The following UFSP2 variants were observed in gnomAD, a reference collection of about 807,000 sequenced individuals.
The protein encoded by UFSP2 is UFM1 specific peptidase 2, also known as ufm1-specific protease 2.
A neutral mutation model predicts 60.2 loss-of-function variants in UFSP2; 43 were observed. That is an observed-to-expected ratio of 0.71 (90% confidence interval 0.56 to 0.92). The LOEUF (loss-of-function observed/expected upper bound fraction) is 0.92. Among genes scored for constraint, UFSP2 ranks in the 40% least tolerant of loss-of-function variants. The pLI, the probability that UFSP2 is intolerant of heterozygous loss-of-function variation, is 0.00. For synonymous variants in UFSP2, 183 were observed against 195.1 expected, an observed-to-expected ratio of 0.94 and a Z score of 0.52; for missense variants, 520 against 575.0, an observed-to-expected ratio of 0.90 and a Z score of 0.98.
chr4:185,402,149 T>C, intron 11 of UFSP2: 3 of 345,052 alleles, frequency 8.7e-6, no homozygotes, highest in Non-Finnish European at 1.7e-5. Flanking sequence ...TCCTTCTCTG[T>C]CCTACCCTAA....
chr4:185,418,624 C>A lies in UFSP2; in HGVS notation c.229G>T (p.Asp77Tyr), dbSNP rs1041635023. The A allele has an allele frequency of 1.2e-6, 2 of 1,613,582 alleles. No individual in the cohort carries two copies. The highest frequency in any genetic ancestry group is 1.7e-6 in the Non-Finnish European group (2 of 1,179,888). Residue 77 changes from aspartate (D) to tyrosine (Y), a missense_variant, in exon 3 of 12, where the codon GAT becomes TAT. By Grantham distance (160) the Asp-to-Tyr change is radical. Coordinates refer to ENST00000264689, the MANE Select transcript of UFSP2 (RefSeq NM_018359.5). Reference protein sequence around the residue: ...DINTIPGELTDASACKNILRF... With the variant: ...DINTIPGELTYASACKNILRF... ...AGTATGTTCTTACAAGCAGAAGCATCAGTCAGTTCTCCAGGAATGGTGTTT... is the reference window on the plus strand; with the variant it reads ...AGTATGTTCTTACAAGCAGAAGCATAAGTCAGTTCTCCAGGAATGGTGTTT...
At chr4:185,403,988 C>CA (rs1273508321) in intron 10 of UFSP2, among the ~76,000 whole-genome samples, 2 of 121,438 alleles carry the variant, frequency 1.6e-5, no homozygotes, top group Non-Finnish European at 3.2e-5. Context: ...CAAAAAAAAA[C>CA]AACATTACTT....
chr4:185,400,115 C>A lies in UFSP2; in HGVS notation c.*277G>T, dbSNP rs557089455. 2 of 1,194,862 alleles carry A rather than the reference C, an allele frequency of 1.7e-6. No homozygotes were observed. Among genetic ancestry groups the A allele is most frequent in the African/African-American group, 3.1e-5 (2 of 64,902 alleles). 74.0% of individuals were successfully genotyped at this position (1,194,862 alleles called of 1,614,324 possible). On this transcript the variant is annotated 3_prime_UTR_variant, in exon 12 of 12. Transcript: ENST00000264689. ...TTTACCATATGTTGTGTCTAATCTC[C>A]TTCTGAGAAGGACGAAAAACTTTCT...
Position 185,413,866 on chromosome 4 carries a change from G to A in UFSP2, c.691C>T (p.His231Tyr). 1 of 1,599,318 alleles carries A rather than the reference G, an allele frequency of 6.3e-7. No individual in the cohort carries two copies. Among genetic ancestry groups the A allele is most frequent in the Non-Finnish European group, 8.5e-7 (1 of 1,175,208 alleles). ...GQLQAYRKEL[H>Y]DLFNLPHDRP... ...TCGTGAGGCAGATTGAAAAGATCATGTAACTCCTAAAATAAATCAGAATCA... is the reference window on the plus strand; with the variant it reads ...TCGTGAGGCAGATTGAAAAGATCATATAACTCCTAAAATAAATCAGAATCA... The change falls in exon 7 of 12, where the codon CAT becomes TAT. Residue 231 changes from histidine (H) to tyrosine (Y), a missense_variant. Physicochemically the swap from His to Tyr is moderately conservative, Grantham distance 83 (BLOSUM62 2). Transcript: ENST00000264689.
At chr4:185,420,796 T>G (rs990155886) in intron 2 of UFSP2, among the ~76,000 whole-genome samples, 4 of 152,206 alleles carry the variant, frequency 2.6e-5, no homozygotes, top group Admixed American at 2.6e-4. Flanking sequence ...TTGTTGAGTG[T>G]TGACAGAGTT....
intron 7 of UFSP2, among the ~76,000 whole-genome samples, chr4:185,411,602 G>C (rs951987579): frequency 2.0e-5 from 3 of 152,130 alleles, no homozygotes; most frequent in African/African-American, 4.8e-5. Context: ...ATTGTTGAGA[G>C]ATTTGTGCCA....
Position 185,407,227 on chromosome 4 carries a change from T to C in UFSP2, c.1121+709A>G, listed in dbSNP as rs542427704. The stretch of plus-strand genomic sequence containing the variant: ...CACCATACCCAGCTAATTTTTTTTG[T>C]ATTTTTAGTAGAGACAGGGTTTTGC... On this transcript the variant is annotated intron_variant, in intron 9 of 11. Transcript: ENST00000264689. Among the ~76,000 whole-genome samples, 15 of 151,868 alleles carry C rather than the reference T, an allele frequency of 9.9e-5. No homozygotes were observed. In the South Asian group the frequency reaches 1.7e-3, roughly 17 times the overall value.
rs1333273471 is a variant in UFSP2 at position 185,418,611 on chromosome 4, C to T, written c.242G>A (p.Cys81Tyr). The change falls in exon 3 of 12, where the codon TGT (cysteine) becomes TAT (tyrosine). Residue 81 changes from cysteine (C) to tyrosine (Y), a missense_variant. Physicochemically the swap from Cys to Tyr is radical, Grantham distance 194. Coordinates refer to ENST00000264689, the MANE Select transcript of UFSP2 (RefSeq NM_018359.5). ...IPGELTDASA[C>Y]KNILRFIQFE... ...CTGAATAAAGCGCAGTATGTTCTTA[C>T]AAGCAGAAGCATCAGTCAGTTCTCC... The T allele has an allele frequency of 1.2e-6, 2 of 1,613,390 alleles. No individual in the cohort carries two copies. The highest frequency in any genetic ancestry group is 2.2e-5 in the East Asian group (1 of 44,828).
At chr4:185,419,005 G>C (rs1475512789) in intron 2 of UFSP2, among the ~76,000 whole-genome samples, 1 of 152,050 alleles carries the variant, frequency 6.6e-6, no homozygotes, top group Non-Finnish European at 1.5e-5. Context: ...ATATTCATAA[G>C]GTTTCATAAT....
At position 185,413,875 on chromosome 4, in the gene UFSP2, A is replaced by C; in HGVS notation, c.685-3T>G. ...AGATTGAAAAGATCATGTAACTCCT[A>C]AAATAAATCAGAATCAACAGAAAAA... On this transcript the variant is annotated splice_polypyrimidine_tract_variant and splice_region_variant and intron_variant, in intron 6 of 11. Transcript: ENST00000264689. 6.3e-7 allele frequency: 1 copy of C among 1,588,388 alleles called. No homozygotes were observed. Among genetic ancestry groups the C allele is most frequent in the Non-Finnish European group, 8.5e-7 (1 of 1,171,470 alleles).
intron 7 of UFSP2, among the ~76,000 whole-genome samples, chr4:185,409,248 C>T (rs201191153): frequency 7.1e-4 from 108 of 152,086 alleles, no homozygotes; most frequent in South Asian, 2.3e-3. Flanking sequence ...TATTTGATGA[C>T]GCTAAGTTAA....
intron 1 of UFSP2, among the ~76,000 whole-genome samples, chr4:185,424,433 G>A (rs2095555361): frequency 6.6e-6 from 1 of 152,156 alleles, no homozygotes; most frequent in Admixed American, 6.5e-5. Flanking sequence ...CAAATCCTTT[G>A]TCACATTTCT....
At chr4:185,419,257 G>C (rs968379900) in intron 2 of UFSP2, among the ~76,000 whole-genome samples, 1 of 151,768 alleles carries the variant, frequency 6.6e-6, no homozygotes, top group Admixed American at 6.6e-5. Flanking sequence ...TCAGCCTCCC[G>C]AGTAGCTGGG....
At position 185,400,231 on chromosome 4, in the gene UFSP2, C is replaced by G; in HGVS notation, c.*161G>C. On this transcript the variant is annotated 3_prime_UTR_variant, in exon 12 of 12. Coordinates refer to ENST00000264689, the MANE Select transcript of UFSP2 (RefSeq NM_018359.5). ...TTTGTCTTTTAAGTTATTAAAGGAA[C>G]GTCTAAAAAATACATTCTCCGTGCA... 1 of 714,056 alleles carries G rather than the reference C, an allele frequency of 1.4e-6. No individual in the cohort carries two copies. The highest frequency in any genetic ancestry group is 2.7e-5 in the East Asian group (1 of 36,372). 44.2% of individuals were successfully genotyped at this position (714,056 alleles called of 1,614,324 possible).
chr4:185,401,424 C>CCAA (rs2095513115), intron 11 of UFSP2, among the ~76,000 whole-genome samples: 1 of 151,928 alleles, frequency 6.6e-6, no homozygotes, highest in Non-Finnish European at 1.5e-5. Flanking sequence ...TTTTTTTGAT[C>CCAA]CTTTTACACA....
At chr4:185,401,253 TAAA>T (rs1313559853) in intron 11 of UFSP2, among the ~76,000 whole-genome samples, 1 of 152,090 alleles carries the variant, frequency 6.6e-6, no homozygotes, top group African/African-American at 2.4e-5. Flanking sequence ...AAGATAAAAG[TAAA>T]AAATCCTCTA....
intron 6 of UFSP2, 41 bp downstream of exon 6, chr4:185,415,114 G>C (rs1375599873): frequency 6.9e-7 from 1 of 1,441,040 alleles, no homozygotes; most frequent in African/African-American, 1.5e-5. Flanking sequence ...ATGAATGATA[G>C]TCATTATTGT....
chr4:185,415,640 G>A, intron 5 of UFSP2, 70 bp downstream of exon 5: 1 of 1,333,126 alleles, frequency 7.5e-7, no homozygotes, highest in South Asian at 1.3e-5. Flanking sequence ...TATACCTACA[G>A]GATATACAAA....
chr4:185,412,206 A>G (rs1179200871), intron 7 of UFSP2, among the ~76,000 whole-genome samples: 1 of 152,238 alleles, frequency 6.6e-6, no homozygotes, highest in African/African-American at 2.4e-5. Flanking sequence ...ACGACCTTGT[A>G]ATACAGATAT....
Sources: allele counts gnomAD v4.1 joint callset (sites outside exome capture counted in the v4.1 genomes callset), GRCh38; gene constraint gnomAD v4.1.1; transcripts MANE v1.5; gene names NCBI Gene and HGNC (gene_info 2026-07-23, HGNC 2026-07-21).